ACTN2: variants seen among roughly 807,000 people sequenced by gnomAD.
ACTN2 encodes the protein actinin alpha 2.
ACTN2 carries 39 observed loss-of-function variants against 113.8 expected under a neutral mutation model. The observed-to-expected ratio is 0.34, with a 90% CI of 0.27 to 0.45. The LOEUF is 0.45. ACTN2 is among the 20% of genes least tolerant of loss of function. ACTN2 has a pLI of 1.00. For synonymous variants in ACTN2, 429 were observed against 444.1 expected (o/e 0.97, Z 0.43); for missense variants, 992 against 1,177.9 (o/e 0.84, Z 2.31).
At chr1:236,759,979 C>T (rs1057415137) in intron 19 of ACTN2, among the ~76,000 whole-genome samples, 190 bp downstream of exon 19, 1 of 152,244 alleles carries the variant, frequency 6.6e-6, no homozygotes, top group Non-Finnish European at 1.5e-5. Context: ...GGCGCAGTGG[C>T]TCACGCCTGT....
rs1659582529 is a variant in ACTN2 at position 236,757,469 on chromosome 1, C to T, written c.2155-17C>T. 1.2e-6 allele frequency: 2 copies of T among 1,613,896 alleles called. No homozygotes were observed. The highest frequency in any genetic ancestry group is 1.3e-5 in the African/African-American group (1 of 74,890). On this transcript the variant is annotated splice_polypyrimidine_tract_variant and intron_variant, in intron 17 of 20. Transcript: ENST00000366578. ...TGGAGAGACTTAGAACTGATCTTTCCCCTTTTCCCTCAATAGCACATTCGT... is the reference window on the plus strand; with the variant it reads ...TGGAGAGACTTAGAACTGATCTTTCTCCTTTTCCCTCAATAGCACATTCGT...
chr1:236,695,052 G>A (rs1169235552), intron 1 of ACTN2, among the ~76,000 whole-genome samples: 1 of 151,886 alleles, frequency 6.6e-6, no homozygotes, highest in African/African-American at 2.4e-5. Context: ...GGGTGACAGA[G>A]TGAGAAATAA....
intron 1 of ACTN2, among the ~76,000 whole-genome samples, chr1:236,709,220 G>GTGTGTGTGTATATATA (rs1275373436): frequency 1.8e-4 from 12 of 66,844 alleles, no homozygotes; most frequent in Admixed American, 1.8e-3. Flanking sequence ...ACAAATGACT[G>GTGTGTGTGTATATATA]TATATATATA....
chr1:236,761,357 A>G (rs561452209), intron 20 of ACTN2, among the ~76,000 whole-genome samples, 184 bp downstream of exon 20: 17 of 152,360 alleles, frequency 1.1e-4, no homozygotes, highest in Admixed American at 6.5e-5. Context: ...GAGGAAACAG[A>G]CATGCCATTC....
chr1:236,718,762 C>T (rs1187868591), intron 2 of ACTN2, 132 bp from the exon 3 acceptor site: 2 of 1,267,126 alleles, frequency 1.6e-6, no homozygotes, highest in Non-Finnish European at 1.1e-6. Flanking sequence ...TTAGAGAGAC[C>T]AGGCACACAT....
chr1:236,712,170 A>G (rs538160576), intron 1 of ACTN2, among the ~76,000 whole-genome samples: 4 of 152,180 alleles, frequency 2.6e-5, no homozygotes, highest in African/African-American at 9.7e-5. Flanking sequence ...TTTTGTTGCT[A>G]CTGTTGTTTT....
rs567204824 is a variant in ACTN2, at chr1:236,695,021, G to T, written c.126+8222G>T. 1.5e-4 allele frequency among the ~76,000 whole-genome samples: 23 copies of T among 152,010 alleles called. No homozygotes were observed. In the South Asian group the frequency reaches 4.4e-3, roughly 29 times the overall value. ...TTTGAGGCTGCAGTGAGCTATGATGGCACCACTGCACTCCCGCTCTGGGTG... is the reference window on the plus strand; with the variant it reads ...TTTGAGGCTGCAGTGAGCTATGATGTCACCACTGCACTCCCGCTCTGGGTG... On this transcript the variant is annotated intron_variant, in intron 1 of 20. Coordinates refer to ENST00000366578, the MANE Select transcript of ACTN2 (RefSeq NM_001103.4).
At chr1:236,702,575 A>G (rs1483822104) in intron 1 of ACTN2, among the ~76,000 whole-genome samples, 1 of 152,116 alleles carries the variant, frequency 6.6e-6, no homozygotes, top group Non-Finnish European at 1.5e-5. Context: ...TATGGTCTGA[A>G]ATGGCTCCAG....
chr1:236,728,011 T>C (rs1658604292), intron 6 of ACTN2, among the ~76,000 whole-genome samples: 1 of 152,196 alleles, frequency 6.6e-6, no homozygotes, highest in African/African-American at 2.4e-5. Flanking sequence ...TATCAAGATA[T>C]GTTTGATGAT....
At chr1:236,729,102 G>C (rs1572123333) in intron 6 of ACTN2, among the ~76,000 whole-genome samples, 1 of 152,088 alleles carries the variant, frequency 6.6e-6, no homozygotes, top group African/African-American at 2.4e-5. Context: ...GTGAAACCCT[G>C]TCTGTTCTAA....
At chr1:236,745,370 C>G (rs1479099151) in intron 12 of ACTN2, among the ~76,000 whole-genome samples, 7 of 152,114 alleles carry the variant, frequency 4.6e-5, no homozygotes, top group African/African-American at 1.7e-4. Context: ...GGAGGCGGAG[C>G]TTGCAGTGAG....
intron 11 of ACTN2, among the ~76,000 whole-genome samples, chr1:236,743,584 T>A (rs76933413): frequency 6.7e-6 from 1 of 149,958 alleles, no homozygotes; most frequent in Non-Finnish European, 1.5e-5. Flanking sequence ...TTTTTTTTTT[T>A]AGCTGTCTCC....
At chr1:236,726,585 A>G (rs1658556778) in intron 5 of ACTN2, among the ~76,000 whole-genome samples, 2 of 152,254 alleles carry the variant, frequency 1.3e-5, no homozygotes, top group South Asian at 2.1e-4. Context: ...AGTGGTCATT[A>G]TGATGTTGAA....
intron 11 of ACTN2, 47 bp from the exon 12 acceptor site, chr1:236,744,579 C>T (rs757843660): frequency 6.8e-6 from 11 of 1,608,250 alleles, no homozygotes; most frequent in Middle Eastern, 1.9e-4. Flanking sequence ...ATGAGGAAGC[C>T]GCTGTGCCCT....
At chr1:236,736,900 A>G in intron 8 of ACTN2, 1 of 613,440 alleles carries the variant, frequency 1.6e-6, no homozygotes, top group Non-Finnish European at 2.9e-6. Context: ...CTACAGTCTA[A>G]TCAGCCTGCC....
intron 7 of ACTN2, among the ~76,000 whole-genome samples, chr1:236,733,224 A>G (rs1219635095): frequency 1.3e-5 from 2 of 152,232 alleles, no homozygotes. Context: ...CCAGGGTACT[A>G]AAGAGAGGAG....
chr1:236,741,339 C>G (rs763730791), intron 10 of ACTN2, among the ~76,000 whole-genome samples: 2 of 152,180 alleles, frequency 1.3e-5, no homozygotes, highest in Non-Finnish European at 2.9e-5. Context: ...CATGCCTGGG[C>G]GGGCCCATGG....
chr1:236,687,337 CTA>C, intron 1 of ACTN2, among the ~76,000 whole-genome samples: 1 of 152,290 alleles, frequency 6.6e-6, no homozygotes, highest in South Asian at 2.1e-4. Context: ...ATTTCACACT[CTA>C]TTTATAATTC....
In ACTN2 at chr1:236,754,169, T is replaced by G; in HGVS notation, c.1974+88T>G. On this transcript the variant is annotated intron_variant, in intron 16 of 20. Transcript: ENST00000366578. This position sits in a 1 kb window ranked among gnomAD's most constrained non-coding sequence, Gnocchi z 4.9. ...GCAGTGACACCGCACATGCTGTGGT[T>G]TCCAGCCACCCACTCAGTCAGGTGG... 6.4e-7 allele frequency: 1 copy of G among 1,554,968 alleles called. No individual in the cohort carries two copies. Among genetic ancestry groups the G allele is most frequent in the Non-Finnish European group, 8.8e-7 (1 of 1,140,482 alleles).
Sources: allele counts gnomAD v4.1 joint callset (sites outside exome capture counted in the v4.1 genomes callset), GRCh38; gene constraint gnomAD v4.1.1; non-coding constraint Gnocchi (gnomAD v3.1); transcripts MANE v1.5; gene names NCBI Gene and HGNC (gene_info 2026-07-23, HGNC 2026-07-21).